Variants in MYBL1 observed in about 807,000 individuals in gnomAD.
The protein encoded by MYBL1 is myb-related protein A.
Under a neutral mutation model 96.3 loss-of-function variants are expected in MYBL1, and 17 were observed. That is an observed-to-expected ratio of 0.18 (90% CI 0.12 to 0.26). The LOEUF is 0.26. MYBL1 is among the 10% of genes least tolerant of loss of function. The pLI is 1.00. For missense variants in MYBL1, 701 were observed against 882.9 expected (o/e 0.79, Z 2.61); for synonymous variants, 282 against 292.7 (o/e 0.96, Z 0.37).
intron 3 of MYBL1, 22 bp downstream of exon 3, chr8:66,601,676 T>C (rs746032946): frequency 1.5e-6 from 2 of 1,357,844 alleles, no homozygotes; most frequent in South Asian, 2.6e-5. Context: ...ATGTTAGAAA[T>C]ATAATTTAAT....
chr8:66,588,003 T>C (rs1191104946), intron 8 of MYBL1, among the ~76,000 whole-genome samples: 1 of 152,182 alleles, frequency 6.6e-6, no homozygotes, highest in Admixed American at 6.5e-5. Context: ...GCAAAGCAAA[T>C]TCGATGTGTT....
At chr8:66,570,801 C>T (rs1271126089) in intron 12 of MYBL1, among the ~76,000 whole-genome samples, 1 of 152,018 alleles carries the variant, frequency 6.6e-6, no homozygotes, top group East Asian at 1.9e-4. Flanking sequence ...TATACATTTA[C>T]TTGGTTAAAT....
Position 66,610,509 on chromosome 8 carries a change from G to A in MYBL1, c.20+2310C>T, listed in dbSNP as rs183593850. 1.3e-3 allele frequency among the ~76,000 whole-genome samples: 205 copies of A among 151,934 alleles called. 2 individuals carry two copies. Among genetic ancestry groups the A allele is most frequent in the African/African-American group, 4.8e-3 (199 of 41,466 alleles). ...AGCAAAGTATAGTTTTCACTTGAAC[G>A]CTTAAGTGGTTGTATACTGGAGATC... On this transcript the variant is annotated intron_variant, in intron 1 of 15. Coordinates refer to ENST00000522677, the MANE Select transcript of MYBL1 (RefSeq NM_001080416.4).
Position 66,580,311 on chromosome 8 carries a change from G to T in MYBL1, c.923C>A (p.Ser308Tyr). 1 of 1,613,728 alleles carries T rather than the reference G, an allele frequency of 6.2e-7. No homozygotes were observed. The highest frequency in any genetic ancestry group is 8.5e-7 in the Non-Finnish European group (1 of 1,179,762). The part of the protein sequence containing the change: ...SGSFLMDDNM[S>Y]NTLNSLDEHT... ...CTCGTCAAGGCTATTTAGAGTATTA[G>T]ACATGTTATCATCCATGAGGAAACT... The change falls in exon 9 of 16, where the codon TCT becomes TAT. Residue 308 changes from serine to tyrosine, a missense_variant. By Grantham distance (144) the Ser-to-Tyr change is moderately radical. Coordinates refer to ENST00000522677, the MANE Select transcript of MYBL1 (RefSeq NM_001080416.4).
rs535453910 is a variant in MYBL1, at chr8:66,590,134, T to C, written c.867+2306A>G. 2.0e-5 allele frequency among the ~76,000 whole-genome samples: 3 copies of C among 152,282 alleles called. No homozygotes were observed. In the East Asian group the frequency reaches 5.8e-4, roughly 29 times the overall value. ...TTTCTTATGGTATATATCTTGCCTA[T>C]TATAATCAATAAATATCATTTTTAT... On this transcript the variant is annotated intron_variant, in intron 8 of 15. Transcript: ENST00000522677.
chr8:66,587,962 T>A (rs1809485668), intron 8 of MYBL1, among the ~76,000 whole-genome samples: 1 of 152,170 alleles, frequency 6.6e-6, no homozygotes, highest in Non-Finnish European at 1.5e-5. Context: ...AATGTTACAT[T>A]TCAACCTAAA....
rs1266280890 is a variant in MYBL1 at position 66,564,580 on chromosome 8, TATTAA to T, written c.*112_*116del. Reference sequence around the variant, plus strand: ...TATATAGAATAGAAAAAAGATGCTGTATTAAAAGGGCTATCTTACAACTTTAAAAA... The same window carrying T: ...TATATAGAATAGAAAAAAGATGCTGTAAGGGCTATCTTACAACTTTAAAAA... On this transcript the variant is annotated 3_prime_UTR_variant, in exon 16 of 16. Coordinates refer to ENST00000522677, the MANE Select transcript of MYBL1 (RefSeq NM_001080416.4). 8 of 749,386 alleles carry T rather than the reference TATTAA, an allele frequency of 1.1e-5. No individual in the cohort carries two copies. The highest frequency in any genetic ancestry group is 9.7e-6 in the Non-Finnish European group (5 of 516,370). 46.4% of individuals were successfully genotyped at this position (749,386 alleles called of 1,614,324 possible).
chr8:66,600,660 C>T (rs116585585), intron 3 of MYBL1, among the ~76,000 whole-genome samples: 1 of 152,152 alleles, frequency 6.6e-6, no homozygotes, highest in African/African-American at 2.4e-5. Flanking sequence ...AATTTTTCCA[C>T]GCTCATGGAG....
intron 8 of MYBL1, among the ~76,000 whole-genome samples, chr8:66,584,415 A>C (rs1034610608): frequency 6.6e-6 from 1 of 152,228 alleles, no homozygotes; most frequent in Non-Finnish European, 1.5e-5. Flanking sequence ...AAAATGGAAA[A>C]AAGGAAGTCA....
chr8:66,566,394 T>C (rs1383478012), intron 14 of MYBL1, among the ~76,000 whole-genome samples, 151 bp from the exon 15 acceptor site: 1 of 152,116 alleles, frequency 6.6e-6, no homozygotes, highest in Non-Finnish European at 1.5e-5. Context: ...AGTAATATTA[T>C]TTTGGAAATG....
chr8:66,595,241 T>C (rs1039201195), intron 6 of MYBL1, among the ~76,000 whole-genome samples: 3 of 152,110 alleles, frequency 2.0e-5, no homozygotes, highest in African/African-American at 4.8e-5. Context: ...ACCTACCTCT[T>C]AGAGATAAGC....
intron 8 of MYBL1, among the ~76,000 whole-genome samples, chr8:66,591,314 T>A (rs901352201): frequency 6.6e-5 from 10 of 151,712 alleles, no homozygotes; most frequent in Admixed American, 5.3e-4. Context: ...GCCACTGCAC[T>A]CCAGCCTGGG....
chr8:66,596,902 C>T (rs1003020907), intron 5 of MYBL1, among the ~76,000 whole-genome samples: 4 of 152,070 alleles, frequency 2.6e-5, no homozygotes, highest in African/African-American at 4.8e-5. Flanking sequence ...ATTGAATTTT[C>T]CCCAACACAC....
chr8:66,578,709 A>T (rs538236693), intron 9 of MYBL1, among the ~76,000 whole-genome samples: 72 of 152,332 alleles, frequency 4.7e-4, no homozygotes. Context: ...ATACCATTTG[A>T]CCCAGCCATC....
intron 5 of MYBL1, 61 bp downstream of exon 5, chr8:66,597,269 C>G (rs897554986): frequency 3.5e-5 from 41 of 1,179,622 alleles, no homozygotes; most frequent in Non-Finnish European, 4.4e-5. Context: ...ATGTATTTAA[C>G]AGTAAGGTAA....
chr8:66,566,261 AAG>A lies in MYBL1; in HGVS notation c.1951-20_1951-19del, dbSNP rs1349646457. ...TTTTCTGACTAAGAGAGAAAAAAGAAAGAGGAAAATAACTAATTCAAAAATGG... is the reference window on the plus strand; with the variant it reads ...TTTTCTGACTAAGAGAGAAAAAAGAAAGGAAAATAACTAATTCAAAAATGG... On this transcript the variant is annotated intron_variant, in intron 14 of 15. Transcript: ENST00000522677. The A allele has an allele frequency of 2.1e-6, 3 of 1,407,952 alleles. No individual in the cohort carries two copies. The highest frequency in any genetic ancestry group is 2.9e-6 in the Non-Finnish European group (3 of 1,041,738). 87.2% of individuals were successfully genotyped at this position (1,407,952 alleles called of 1,614,324 possible).
intron 1 of MYBL1, among the ~76,000 whole-genome samples, chr8:66,604,415 T>A (rs931758958): frequency 2.6e-5 from 4 of 151,694 alleles, no homozygotes; most frequent in African/African-American, 9.7e-5. Context: ...CCCAGCTACT[T>A]GGGAGGCTGA....
intron 10 of MYBL1, among the ~76,000 whole-genome samples, chr8:66,574,821 G>A (rs200607950): frequency 6.8e-4 from 103 of 152,278 alleles, no homozygotes; most frequent in African/African-American, 2.4e-3. Flanking sequence ...TTGGGAGGCC[G>A]AGGCGGGCAG....
intron 8 of MYBL1, among the ~76,000 whole-genome samples, chr8:66,585,101 A>T (rs941160003): frequency 9.2e-5 from 14 of 152,178 alleles, no homozygotes; most frequent in African/African-American, 3.1e-4. Context: ...ACAAACAAAC[A>T]AACAAACAAA....
Sources: allele counts gnomAD v4.1 joint callset (sites outside exome capture counted in the v4.1 genomes callset), GRCh38; gene constraint gnomAD v4.1.1; transcripts MANE v1.5; gene names NCBI Gene and HGNC (gene_info 2026-07-23, HGNC 2026-07-21).